The following NDUFS1 variants were observed in gnomAD, a reference collection of about 807,000 sequenced individuals.
NDUFS1 encodes the protein NADH:ubiquinone oxidoreductase core subunit S1.
NDUFS1 carries 61 observed loss-of-function variants against 84.4 expected under a neutral mutation model. The ratio of observed to expected loss-of-function variants is 0.72; its 90% CI spans 0.59 to 0.89. NDUFS1 has a LOEUF of 0.89. Ranked by LOEUF, NDUFS1 falls within the 40% of genes least tolerant of loss-of-function variation. The pLI, the probability that NDUFS1 is intolerant of heterozygous loss-of-function variation, is 0.00. For synonymous variants in NDUFS1, 275 were observed against 290.0 expected (o/e 0.95, Z 0.53); for missense variants, 891 against 890.0 (o/e 1.00, Z -0.01).
At chr2:206,148,176 TG>T (rs1205409477) in intron 5 of NDUFS1, among the ~76,000 whole-genome samples, 1 of 152,006 alleles carries the variant, frequency 6.6e-6, no homozygotes, top group African/African-American at 2.4e-5. Flanking sequence ...CCTCCCGCCC[TG>T]GCGTCCCAAA....
rs1691312104 is a variant in NDUFS1 at position 206,126,821 on chromosome 2, A to G, written c.1908T>C (p.Tyr636=). ...LSEIAGMTLP[Y]DTLDQVRNRL... ...TGTTCCTTACTTGATCCAGAGTATC[A>G]TATGGAAGAGTCATTCCAGCAATCT... The change falls in exon 17 of 19, where the codon TAT becomes TAC. Residue 636 remains tyrosine, a synonymous_variant. Transcript: ENST00000233190. 2 of 1,614,070 alleles carry G rather than the reference A, an allele frequency of 1.2e-6. No homozygotes were observed. The highest frequency in any genetic ancestry group is 1.7e-6 in the Non-Finnish European group (2 of 1,180,026).
In NDUFS1 at chr2:206,147,026, TG is replaced by T. The variant is rs1692180040; in HGVS notation, c.613del (p.Gln205LysfsTer24). On this transcript the variant is annotated frameshift_variant, in exon 8 of 19. Transcript: ENST00000233190. LOFTEE classifies it high-confidence loss of function. The stretch of plus-strand genomic sequence containing the variant: ...CATCTTTTCAATGTATGTGCCAACT[TG>T]CATATCATTTCCTCTGCCTGTTGTT... The part of the protein sequence containing the change: ...LGTTGRGNDM[Q>X]VGTYIEKMFM... 1 of 1,614,022 alleles carries T rather than the reference TG, an allele frequency of 6.2e-7. No individual in the cohort carries two copies. Among genetic ancestry groups the T allele is most frequent in the Non-Finnish European group, 8.5e-7 (1 of 1,180,024 alleles).
At position 206,144,983 on chromosome 2, in the gene NDUFS1, T is replaced by A. The variant is rs758547274; in HGVS notation, c.781A>T (p.Ile261Phe). The A allele has an allele frequency of 6.2e-7, 1 of 1,614,074 alleles. No homozygotes were observed. The highest frequency in any genetic ancestry group is 1.1e-5 in the South Asian group (1 of 91,076). The change falls in exon 9 of 19, where the codon ATT (isoleucine) becomes TTT (phenylalanine). Residue 261 changes from isoleucine (I) to phenylalanine (F), a missense_variant. Transcript: ENST00000233190. ...TCTCCAGTTCTTGTGCTAACCACAA[T>A]ATTACTTCCAACCGCATCCATTACA... ...IDVMDAVGSNIVVSTRTGEVM... is the reference protein window; with the variant it reads ...IDVMDAVGSNFVVSTRTGEVM...
chr2:206,150,629 A>G (rs1440766230), intron 3 of NDUFS1, among the ~76,000 whole-genome samples: 1 of 152,204 alleles, frequency 6.6e-6, no homozygotes, highest in African/African-American at 2.4e-5. Flanking sequence ...GTAGTGAAAA[A>G]GACAGATAGT....
At chr2:206,159,207 G>T in intron 1 of NDUFS1, 134 bp downstream of exon 1, 1 of 1,483,234 alleles carries the variant, frequency 6.7e-7, no homozygotes. Context: ...GGGCTTCCGA[G>T]GCGGCGGGGC....
rs941541418 is a variant in NDUFS1, at chr2:206,149,912, A to G, written c.167T>C (p.Val56Ala). The change falls in exon 4 of 19, where the codon GTT (valine) becomes GCT (alanine). Residue 56 changes from valine (V) to alanine (A), a missense_variant. Physicochemically the swap from Val to Ala is moderately conservative, Grantham distance 64. Coordinates refer to ENST00000233190, the MANE Select transcript of NDUFS1 (RefSeq NM_005006.7). ...GTTVLQACEK[V>A]GMQIPRFCYH... is the part of the protein sequence containing the mutation. Reference sequence around the variant, plus strand: ...ACAGAATCGAGGGATCTGCATGCCAACCTTCTCACAAGCCTAGAAGTAAAA... The same window carrying G: ...ACAGAATCGAGGGATCTGCATGCCAGCCTTCTCACAAGCCTAGAAGTAAAA... 7 of 1,433,484 alleles carry G rather than the reference A, an allele frequency of 4.9e-6. No individual in the cohort carries two copies. In the African/African-American group the frequency reaches 9.2e-5, roughly 19 times the overall value. The allele number at this position is 1,433,484 out of a possible 1,614,324, so 88.8% of individuals were successfully genotyped here.
In NDUFS1 at chr2:206,124,033, TATC is replaced by T. The variant is rs1428978116; in HGVS notation, c.*149_*151del. 2 of 630,206 alleles carry T rather than the reference TATC, an allele frequency of 3.2e-6. No homozygotes were observed. The highest frequency in any genetic ancestry group is 5.6e-6 in the Non-Finnish European group (2 of 358,862). 39.0% of individuals were successfully genotyped at this position (630,206 alleles called of 1,614,324 possible). ...TTCAAACTGCAAAGTTGATAACTAA[TATC>T]ATTTTCAAATAGGCATAGTATAACC... On this transcript the variant is annotated 3_prime_UTR_variant, in exon 19 of 19. Coordinates refer to ENST00000233190, the MANE Select transcript of NDUFS1 (RefSeq NM_005006.7).
At position 206,130,076 on chromosome 2, in the gene NDUFS1, G is replaced by A; in HGVS notation, c.1708+12C>T. The A allele has an allele frequency of 5.0e-6, 8 of 1,613,976 alleles. No individual in the cohort carries two copies. The highest frequency in any genetic ancestry group is 2.2e-5 in the South Asian group (2 of 91,066). On this transcript the variant is annotated intron_variant, in intron 15 of 18. Coordinates refer to ENST00000233190, the MANE Select transcript of NDUFS1 (RefSeq NM_005006.7). ...ACTCTCTTTTGTTTCTGGTGTCACA[G>A]GTGATACTTACCTTGATAAATAATG... is the stretch of plus-strand genomic sequence containing the variant.
intron 1 of NDUFS1, among the ~76,000 whole-genome samples, chr2:206,156,940 T>C (rs1687678044): frequency 6.6e-6 from 1 of 152,198 alleles, no homozygotes; most frequent in African/African-American, 2.4e-5. Context: ...ACTTAGGCAA[T>C]ACTGGCCACT....
intron 1 of NDUFS1, among the ~76,000 whole-genome samples, chr2:206,156,374 G>T (rs1687654740): frequency 6.7e-6 from 1 of 149,940 alleles, no homozygotes; most frequent in Non-Finnish European, 1.5e-5. Context: ...ACAGTTAGAG[G>T]CCAGCCTGGG....
intron 8 of NDUFS1, among the ~76,000 whole-genome samples, chr2:206,145,774 G>C (rs1220727290): frequency 1.3e-5 from 2 of 152,178 alleles, no homozygotes; most frequent in African/African-American, 4.8e-5. Context: ...GGCCGGGGCA[G>C]GCTGTGAAGA....
chr2:206,137,246 C>T lies in NDUFS1; in HGVS notation c.1392+1239G>A, dbSNP rs192762068. Among the ~76,000 whole-genome samples the T allele has an allele frequency of 9.1e-3, 1,379 of 152,156 alleles. 9 individuals carry two copies. The highest frequency in any genetic ancestry group is 0.014 in the Non-Finnish European group (933 of 67,984). The stretch of plus-strand genomic sequence containing the variant: ...ATCCCAGCACTTTGGGAGGCCAAGG[C>T]GAGTGGACCACAAAGTCAGGAGTTG... On this transcript the variant is annotated intron_variant, in intron 13 of 18. Transcript: ENST00000233190.
rs1445674364 is a variant in NDUFS1, at chr2:206,122,912, T to C, written c.*1273A>G. On this transcript the variant is annotated 3_prime_UTR_variant, in exon 19 of 19. Transcript: ENST00000233190. ...ACCACACCCAGCTAATTTTTGTATT[T>C]TTTGTAGAGATGGGGTTTCACCATG... 6.6e-6 allele frequency: 1 copy of C among 152,008 alleles called. No homozygotes were observed. Among genetic ancestry groups the C allele is most frequent in the African/African-American group, 2.4e-5 (1 of 41,370 alleles). 9.4% of individuals were successfully genotyped at this position (152,008 alleles called of 1,614,324 possible). A position where few individuals can be genotyped will look rare whatever the true frequency, so the allele number is the denominator to read the frequency against.
Position 206,127,904 on chromosome 2 carries a change from A to T in NDUFS1, c.1777T>A (p.Ser593Thr). ...ILPGAAYTEKSATYVNTEGRA... is the reference protein window; with the variant it reads ...ILPGAAYTEKTATYVNTEGRA... The stretch of plus-strand genomic sequence containing the variant: ...CCCTCAGTGTTGACATATGTAGCAG[A>T]CTTCTCTGTGTAAGCAGCTCCTGGG... Residue 593 changes from serine to threonine, a missense_variant, in exon 16 of 19, where the codon TCT becomes ACT. By Grantham distance (58) the Ser-to-Thr change is moderately conservative. Coordinates refer to ENST00000233190, the MANE Select transcript of NDUFS1 (RefSeq NM_005006.7). The T allele has an allele frequency of 6.2e-7, 1 of 1,614,150 alleles. No individual in the cohort carries two copies. Among genetic ancestry groups the T allele is most frequent in the Non-Finnish European group, 8.5e-7 (1 of 1,180,020 alleles).
intron 15 of NDUFS1, 130 bp from the exon 16 acceptor site, chr2:206,128,102 A>C (rs1223639146): frequency 1.0e-6 from 1 of 970,572 alleles, no homozygotes; most frequent in African/African-American, 1.6e-5. Flanking sequence ...CTAAAATGAA[A>C]CAGTAGTGAA....
intron 13 of NDUFS1, among the ~76,000 whole-genome samples, chr2:206,138,170 A>C (rs946773882): frequency 1.3e-5 from 2 of 152,166 alleles, no homozygotes; most frequent in Non-Finnish European, 2.9e-5. Context: ...GGCTCACTGC[A>C]ACCTCCGCCT....
At chr2:206,130,326 T>C in intron 14 of NDUFS1, 84 bp from the exon 15 acceptor site, 1 of 1,491,222 alleles carries the variant, frequency 6.7e-7, no homozygotes, top group Non-Finnish European at 9.2e-7. Context: ...TAATTTCCTT[T>C]CAACAATGTC....
chr2:206,148,612 G>A (rs1231907842), intron 5 of NDUFS1, among the ~76,000 whole-genome samples: 1 of 152,122 alleles, frequency 6.6e-6, no homozygotes, highest in East Asian at 1.9e-4. Context: ...AACATAGTGA[G>A]ACCTCGTTTC....
chr2:206,158,999 G>C (rs1055036149), intron 1 of NDUFS1: 2 of 1,338,710 alleles, frequency 1.5e-6, no homozygotes, highest in African/African-American at 2.9e-5. Context: ...TAAGTCATCG[G>C]ACACTGGTCC....
Sources: allele counts gnomAD v4.1 joint callset (sites outside exome capture counted in the v4.1 genomes callset), GRCh38; gene constraint gnomAD v4.1.1; transcripts MANE v1.5; gene names NCBI Gene and HGNC (gene_info 2026-07-23, HGNC 2026-07-21).